Variants in NOX5 observed in about 807,000 individuals in gnomAD.
NOX5 encodes NADPH oxidase, EF-hand calcium binding domain 5.
A neutral mutation model predicts 85.7 loss-of-function variants in NOX5; 76 were observed. The observed-to-expected ratio is 0.89, with a 90% confidence interval of 0.74 to 1.07. The LOEUF is 1.07. NOX5 is among the 50% of genes least tolerant of loss of function. The pLI, the probability that NOX5 is intolerant of heterozygous loss-of-function variation, is 0.00. For synonymous variants in NOX5, 405 were observed against 401.4 expected (o/e 1.01, Z -0.11); for missense variants, 973 against 999.5 (o/e 0.97, Z 0.36).
intron 1 of NOX5, among the ~76,000 whole-genome samples, chr15:69,020,198 T>C (rs1020986431): frequency 4.6e-5 from 7 of 152,244 alleles, no homozygotes; most frequent in Non-Finnish European, 1.0e-4. Flanking sequence ...TGTTATTTTA[T>C]AACAGGTGTG....
chr15:69,036,773 C>T (rs964880553), intron 7 of NOX5, among the ~76,000 whole-genome samples: 1 of 152,196 alleles, frequency 6.6e-6, no homozygotes, highest in Non-Finnish European at 1.5e-5. Context: ...GGGCAGTCCA[C>T]TCTGCCCAGA....
chr15:69,056,728 C>T lies in NOX5; in HGVS notation c.*32C>T, dbSNP rs750779389. Reference sequence around the variant, plus strand: ...CTCTCCAAGCTCTGCCCCAAGTCCACACCATGGGTCTGCTTCATTGCATTA... The same window carrying T: ...CTCTCCAAGCTCTGCCCCAAGTCCATACCATGGGTCTGCTTCATTGCATTA... On this transcript the variant is annotated 3_prime_UTR_variant, in exon 16 of 16. Transcript: ENST00000388866. 2.5e-6 allele frequency: 4 copies of T among 1,610,518 alleles called. No homozygotes were observed. The East Asian group carries it at 6.7e-5, about 27-fold the overall frequency.
chr15:69,046,671 C>CA (rs2050677403), intron 10 of NOX5, 151 bp from the exon 11 acceptor site: 1 of 643,898 alleles, frequency 1.6e-6, no homozygotes. Context: ...TGTTCTCTTT[C>CA]AAAAGAGCTT....
At position 69,042,739 on chromosome 15, in the gene NOX5, A is replaced by C. The variant is rs1350953733; in HGVS notation, c.1581A>C (p.Pro527=). Residue 527 remains proline, a synonymous_variant, in exon 10 of 16, where the codon CCA becomes CCC. Coordinates refer to ENST00000388866, the MANE Select transcript of NOX5 (RefSeq NM_024505.4). ...ATGAGTCCTTCAAGGCATCAGACCC[A>C]CTGGGCCGTGGTTCTAAGAGGCTGT... The part of the protein sequence containing the change: ...RLYESFKASD[P]LGRGSKRLSR... 1.9e-6 allele frequency: 3 copies of C among 1,614,076 alleles called. No individual in the cohort carries two copies. The highest frequency in any genetic ancestry group is 2.5e-6 in the Non-Finnish European group (3 of 1,180,050).
chr15:69,023,010 G>A (rs1002821051), intron 1 of NOX5: 15 of 499,690 alleles, frequency 3.0e-5, no homozygotes, highest in Admixed American at 2.5e-4. Context: ...CTCACAAAGA[G>A]GAATGTTCCA....
In NOX5 at chr15:69,037,008, TG is replaced by T; in HGVS notation, c.1189-19del. On this transcript the variant is annotated intron_variant, in intron 7 of 15. Coordinates refer to ENST00000388866, the MANE Select transcript of NOX5 (RefSeq NM_024505.4). ...CAGGCCTTGAGCTCTGGAAGTTGAC[TG>T]CCCCCCCTACCCCCATAGGTGTTCT... 6.2e-7 allele frequency: 1 copy of T among 1,609,984 alleles called. No homozygotes were observed. The highest frequency in any genetic ancestry group is 8.5e-7 in the Non-Finnish European group (1 of 1,177,664).
At chr15:69,019,124 G>C (rs1424219015) in intron 1 of NOX5, among the ~76,000 whole-genome samples, 2 of 152,138 alleles carry the variant, frequency 1.3e-5, no homozygotes, top group Non-Finnish European at 2.9e-5. Context: ...CAGCCTCCCA[G>C]TGTATTAGGA....
chr15:69,054,929 T>C (rs1322621184), intron 14 of NOX5, among the ~76,000 whole-genome samples: 3 of 152,096 alleles, frequency 2.0e-5, no homozygotes, highest in Admixed American at 6.5e-5. Context: ...CTTCTATAAA[T>C]ACAAAAAGTC....
At chr15:69,018,540 A>T (rs983006268) in intron 1 of NOX5, among the ~76,000 whole-genome samples, 1 of 63,234 alleles carries the variant, frequency 1.6e-5, no homozygotes, top group Admixed American at 1.7e-4. Flanking sequence ...CCCCACCCCC[A>T]CCCCCACAAG....
intron 14 of NOX5, among the ~76,000 whole-genome samples, chr15:69,054,235 T>C (rs1406564110): frequency 6.6e-6 from 1 of 152,186 alleles, no homozygotes. Flanking sequence ...TCATATGTCA[T>C]GTCTGGTTAT....
In NOX5 at chr15:69,050,241, G is replaced by T. The variant is rs1280430786; in HGVS notation, c.1999+1183G>T. On this transcript the variant is annotated intron_variant, in intron 14 of 15. Coordinates refer to ENST00000388866, the MANE Select transcript of NOX5 (RefSeq NM_024505.4). ...CATTTGTCCAATTATCTTTTAAAAA[G>T]AAATTTAAAAATCAGAAAAGCAAAT... Among the ~76,000 whole-genome samples the T allele has an allele frequency of 2.0e-5, 3 of 152,102 alleles. 1 individual carries two copies. The highest frequency in any genetic ancestry group is 2.0e-4 in the Admixed American group (3 of 15,274).
In NOX5 at chr15:69,038,879, G is replaced by A. The variant is rs117880022; in HGVS notation, c.1394G>A (p.Arg465Gln). 1.3e-4 allele frequency: 209 copies of A among 1,614,070 alleles called. 1 individual carries two copies. In the East Asian group the frequency reaches 3.7e-3, roughly 29 times the overall value. ...CAGGTCACTCATCTCCTCATCAAGC[G>A]GCCCCCTTTTTTTCACTATAGACCT... ...PSKVTHLLIK[R>Q]PPFFHYRPGD... Residue 465 changes from arginine to glutamine, a missense_variant, in exon 9 of 16, where the codon CGG becomes CAG. Transcript: ENST00000388866.
intron 8 of NOX5, 67 bp downstream of exon 8, chr15:69,037,277 C>T: frequency 6.9e-7 from 1 of 1,443,426 alleles, no homozygotes; most frequent in South Asian, 1.3e-5. Context: ...TGGGGTGGAG[C>T]AGCTGGATAC....
At position 69,038,897 on chromosome 15, in the gene NOX5, A is replaced by G. The variant is rs769615321; in HGVS notation, c.1412A>G (p.Tyr471Cys). 1.1e-5 allele frequency: 18 copies of G among 1,613,694 alleles called. No homozygotes were observed. The highest frequency in any genetic ancestry group is 1.5e-5 in the Non-Finnish European group (18 of 1,179,952). ...LLIKRPPFFH[Y>C]RPGDYLYLNI... is the part of the protein sequence containing the mutation. Reference sequence around the variant, plus strand: ...ATCAAGCGGCCCCCTTTTTTTCACTATAGACCTGGTGACTACTTGTATCTG... The same window carrying G: ...ATCAAGCGGCCCCCTTTTTTTCACTGTAGACCTGGTGACTACTTGTATCTG... The change falls in exon 9 of 16, where the codon TAT becomes TGT. Residue 471 changes from tyrosine (Y) to cysteine (C), a missense_variant. By Grantham distance (194) the Tyr-to-Cys change is radical (BLOSUM62 -2). Coordinates refer to ENST00000388866, the MANE Select transcript of NOX5 (RefSeq NM_024505.4).
intron 14 of NOX5, among the ~76,000 whole-genome samples, chr15:69,052,178 A>G (rs2140281275): frequency 6.6e-6 from 1 of 151,816 alleles, no homozygotes; most frequent in South Asian, 2.1e-4. Context: ...TGATAGCCCT[A>G]CTGCACTCCA....
rs1333556911 is a variant in NOX5, at chr15:69,047,509, G to C, written c.1789G>C (p.Ala597Pro). Residue 597 changes from alanine to proline, a missense_variant, in exon 12 of 16, where the codon GCT (alanine) becomes CCT (proline). Transcript: ENST00000388866. ...GGCAGGCATCGGCATCACCCCCTTTGCTTCCATTCTGCAGAGTATCATGTA... is the reference window on the plus strand; with the variant it reads ...GGCAGGCATCGGCATCACCCCCTTTCCTTCCATTCTGCAGAGTATCATGTA... ...IGAGIGITPF[A>P]SILQSIMYRH... is the part of the protein sequence containing the mutation. 6.2e-7 allele frequency: 1 copy of C among 1,613,968 alleles called. No individual in the cohort carries two copies. Among genetic ancestry groups the C allele is most frequent in the South Asian group, 1.1e-5 (1 of 91,078 alleles).
intron 1 of NOX5, among the ~76,000 whole-genome samples, chr15:69,016,285 G>A (rs1463161372): frequency 6.6e-6 from 1 of 152,178 alleles, no homozygotes; most frequent in Non-Finnish European, 1.5e-5. Context: ...CCAGCTACAG[G>A]TTCTCTCCAT....
In NOX5 at chr15:69,060,175, T is replaced by C. The variant is rs2050859210; in HGVS notation, c.*3479T>C. ...TGAAATGACCAATCAGGCAGGGCCC[T>C]CCTGGACGAGCGGCACAAGTGCAGG... On this transcript the variant is annotated 3_prime_UTR_variant, in exon 16 of 16. Transcript: ENST00000388866. 6.6e-6 allele frequency: 1 copy of C among 152,272 alleles called. No homozygotes were observed. Among genetic ancestry groups the C allele is most frequent in the African/African-American group, 2.4e-5 (1 of 41,424 alleles). 9.4% of individuals were successfully genotyped at this position (152,272 alleles called of 1,614,324 possible).
chr15:69,056,581 C>T lies in NOX5; in HGVS notation c.2183C>T (p.Ala728Val), dbSNP rs569229602. Reference protein sequence around the residue: ...PDWSKVFQKVAAEKKGKVQVF... With the variant: ...PDWSKVFQKVVAEKKGKVQVF... ...TGACTCCAGGTGTTCCAGAAAGTGG[C>T]TGCTGAGAAGAAGGGCAAGGTGCAG... is the stretch of plus-strand genomic sequence containing the variant. The change falls in exon 16 of 16, where the codon GCT (alanine) becomes GTT (valine). Residue 728 changes from alanine to valine, a missense_variant. Physicochemically the swap from Ala to Val is moderately conservative, Grantham distance 64. Coordinates refer to ENST00000388866, the MANE Select transcript of NOX5 (RefSeq NM_024505.4). 4 of 1,613,264 alleles carry T rather than the reference C, an allele frequency of 2.5e-6. No individual in the cohort carries two copies. In the African/African-American group the frequency reaches 4.0e-5, roughly 16 times the overall value.
Sources: allele counts gnomAD v4.1 joint callset (sites outside exome capture counted in the v4.1 genomes callset), GRCh38; gene constraint gnomAD v4.1.1; transcripts MANE v1.5; gene names NCBI Gene and HGNC (gene_info 2026-07-23, HGNC 2026-07-21).